CLSTN2: variants seen among roughly 807,000 people sequenced by gnomAD.
The protein encoded by CLSTN2 is calsyntenin 2.
In CLSTN2, 48 loss-of-function variants were observed where a neutral mutation model predicts 101.2. That is an observed-to-expected ratio of 0.47 (90% CI 0.38 to 0.60). The LOEUF is 0.60. Ranked by LOEUF, CLSTN2 falls within the 20% of genes least tolerant of loss-of-function variation. CLSTN2 has a pLI of 0.00. For synonymous variants in CLSTN2, 481 were observed against 463.6 expected (o/e 1.04, Z -0.48); for missense variants, 1,160 against 1,238.2 (o/e 0.94, Z 0.95).
intron 1 of CLSTN2, among the ~76,000 whole-genome samples, chr3:139,970,399 T>C (rs1576380971): frequency 6.6e-6 from 1 of 152,184 alleles, no homozygotes; most frequent in Non-Finnish European, 1.5e-5. Context: ...CCACAGTACT[T>C]GGCATCATAT....
At chr3:140,201,761 C>T (rs563666241) in intron 2 of CLSTN2, among the ~76,000 whole-genome samples, 2 of 151,852 alleles carry the variant, frequency 1.3e-5, no homozygotes, top group East Asian at 3.9e-4. Context: ...GGAACACGGA[C>T]AATAAATAAC....
chr3:139,982,398 T>C (rs1302400113), intron 1 of CLSTN2, among the ~76,000 whole-genome samples: 1 of 151,850 alleles, frequency 6.6e-6, no homozygotes, highest in Non-Finnish European at 1.5e-5. Flanking sequence ...TGCTCAGAGG[T>C]TTCTTAGTGG....
chr3:139,984,788 C>T (rs1285693444), intron 1 of CLSTN2, among the ~76,000 whole-genome samples: 5 of 152,154 alleles, frequency 3.3e-5, no homozygotes, highest in African/African-American at 1.2e-4. Context: ...AGTTATACCT[C>T]TAACTCCTGC....
intron 2 of CLSTN2, among the ~76,000 whole-genome samples, chr3:140,277,162 G>A (rs1330436372): frequency 6.6e-6 from 1 of 152,138 alleles, no homozygotes; most frequent in Non-Finnish European, 1.5e-5. Flanking sequence ...AAAGAAGTAG[G>A]GCCAGATATG....
chr3:140,150,944 CT>C (rs2009854992), intron 1 of CLSTN2, among the ~76,000 whole-genome samples: 1 of 151,924 alleles, frequency 6.6e-6, no homozygotes, highest in Non-Finnish European at 1.5e-5. Flanking sequence ...CAAAATTGAT[CT>C]AATTTTATAT....
intron 8 of CLSTN2, among the ~76,000 whole-genome samples, chr3:140,520,884 T>C (rs1156311940): frequency 6.6e-6 from 1 of 152,192 alleles, no homozygotes; most frequent in Non-Finnish European, 1.5e-5. Context: ...TGTCTGCCTG[T>C]CTTATTTCAG....
intron 10 of CLSTN2, among the ~76,000 whole-genome samples, chr3:140,552,844 T>A (rs780876884): frequency 1.4e-4 from 22 of 152,270 alleles, no homozygotes; most frequent in African/African-American, 5.1e-4. Context: ...CACAAGACTC[T>A]GCTATAGGAG....
intron 2 of CLSTN2, among the ~76,000 whole-genome samples, chr3:140,241,874 T>TATACACATATATATACAC (rs2086471477): frequency 6.7e-5 from 4 of 60,030 alleles, no homozygotes; most frequent in African/African-American, 2.1e-4. Context: ...TATACACATA[T>TATACACATATATATACAC]ATATATACAC....
chr3:140,215,920 A>C (rs1049951721), intron 2 of CLSTN2, among the ~76,000 whole-genome samples: 2 of 152,168 alleles, frequency 1.3e-5, no homozygotes, highest in Non-Finnish European at 2.9e-5. Context: ...AGGTATTTCA[A>C]ACAAAAAGGG....
In CLSTN2 at chr3:140,163,151, C is replaced by T. The variant is rs567578568; in HGVS notation, c.110-12800C>T. 2.6e-4 allele frequency among the ~76,000 whole-genome samples: 39 copies of T among 152,080 alleles called. No homozygotes were observed. In the South Asian group the frequency reaches 6.9e-3, roughly 27 times the overall value. ...TCAAACACTAGTCTAGATATTGCTGCGAAGATATTTTGTAGATGTGCTGAA... is the reference window on the plus strand; with the variant it reads ...TCAAACACTAGTCTAGATATTGCTGTGAAGATATTTTGTAGATGTGCTGAA... On this transcript the variant is annotated intron_variant, in intron 1 of 16. Transcript: ENST00000458420.
At chr3:140,315,792 A>G (rs1304299200) in intron 2 of CLSTN2, among the ~76,000 whole-genome samples, 1 of 152,184 alleles carries the variant, frequency 6.6e-6, no homozygotes, top group African/African-American at 2.4e-5. Context: ...TTTTAACAAG[A>G]GCACATCCCT....
chr3:140,115,420 G>A (rs1292718355), intron 1 of CLSTN2, among the ~76,000 whole-genome samples: 1 of 152,138 alleles, frequency 6.6e-6, no homozygotes, highest in African/African-American at 2.4e-5. Flanking sequence ...GTAGGTGGGG[G>A]CCACATATTT....
intron 1 of CLSTN2, among the ~76,000 whole-genome samples, chr3:139,973,786 G>A (rs1198075641): frequency 1.3e-5 from 2 of 152,202 alleles, no homozygotes; most frequent in East Asian, 3.9e-4. Flanking sequence ...CTACAGATGT[G>A]TGCCACCATG....
chr3:140,178,835 T>C (rs1389096563), intron 2 of CLSTN2, among the ~76,000 whole-genome samples: 1 of 152,242 alleles, frequency 6.6e-6, no homozygotes, highest in Admixed American at 6.5e-5. Context: ...TAGTCCTCGC[T>C]TATCAGCTGC....
intron 2 of CLSTN2, among the ~76,000 whole-genome samples, chr3:140,215,752 T>C (rs770878753): frequency 3.9e-5 from 6 of 152,218 alleles, no homozygotes; most frequent in Non-Finnish European, 7.3e-5. Flanking sequence ...ATCACAGTAA[T>C]AGTGCCACCT....
chr3:140,103,547 C>T (rs776254142), intron 1 of CLSTN2, among the ~76,000 whole-genome samples: 2 of 152,166 alleles, frequency 1.3e-5, no homozygotes, highest in Non-Finnish European at 2.9e-5. Flanking sequence ...GTGAGTTCTG[C>T]ATTCATGTAT....
chr3:140,563,218 A>G lies in CLSTN2; in HGVS notation c.2482+15A>G. ...GCACAGTTCAGGTAGGGTGCCCAAG[A>G]GGAGGGACCCTCAGGACACAGGTCG... is the stretch of plus-strand genomic sequence containing the variant. On this transcript the variant is annotated intron_variant, in intron 15 of 16. Transcript: ENST00000458420. 1 of 1,612,836 alleles carries G rather than the reference A, an allele frequency of 6.2e-7. No homozygotes were observed. The highest frequency in any genetic ancestry group is 8.5e-7 in the Non-Finnish European group (1 of 1,179,286).
intron 1 of CLSTN2, among the ~76,000 whole-genome samples, chr3:139,973,781 G>T (rs1935762985): frequency 6.6e-6 from 1 of 152,148 alleles, no homozygotes; most frequent in Non-Finnish European, 1.5e-5. Flanking sequence ...TGCAACTACA[G>T]ATGTGTGCCA....
intron 1 of CLSTN2, among the ~76,000 whole-genome samples, chr3:140,017,633 A>G (rs1408107367): frequency 6.6e-6 from 1 of 152,158 alleles, no homozygotes; most frequent in East Asian, 1.9e-4. Context: ...TGTGGGATTG[A>G]GTTGGGCAGC....
Sources: allele counts gnomAD v4.1 joint callset (sites outside exome capture counted in the v4.1 genomes callset), GRCh38; gene constraint gnomAD v4.1.1; transcripts MANE v1.5; gene names NCBI Gene and HGNC (gene_info 2026-07-23, HGNC 2026-07-21).